TBC1D15: variants seen among roughly 807,000 people sequenced by gnomAD.
TBC1D15 encodes the protein GAP for RAB7.
In TBC1D15, 39 loss-of-function variants were observed where a neutral mutation model predicts 95.4. That is an observed-to-expected ratio of 0.41 (90% CI 0.32 to 0.53). TBC1D15 has a LOEUF of 0.53. Ranked by LOEUF, TBC1D15 falls within the 20% of genes least tolerant of loss-of-function variation. TBC1D15 has a pLI of 0.29. For synonymous variants in TBC1D15, 258 were observed against 261.3 expected (o/e 0.99, Z 0.12); for missense variants, 733 against 794.3 (o/e 0.92, Z 0.93).
At chr12:71,856,109 G>A (rs985300222) in intron 1 of TBC1D15, among the ~76,000 whole-genome samples, 4 of 152,102 alleles carry the variant, frequency 2.6e-5, no homozygotes, top group Non-Finnish European at 5.9e-5. Context: ...AGCAGTTTTC[G>A]TATTCATTGT....
chr12:71,841,181 T>C (rs1465624077), intron 1 of TBC1D15: 1 of 152,200 alleles, frequency 6.6e-6, no homozygotes, highest in Non-Finnish European at 1.5e-5. Flanking sequence ...TGATCCAGGC[T>C]GGGACTTTTC....
At chr12:71,874,810 A>G (rs1252843401) in intron 3 of TBC1D15, among the ~76,000 whole-genome samples, 2 of 151,694 alleles carry the variant, frequency 1.3e-5, no homozygotes, top group African/African-American at 4.8e-5. Flanking sequence ...TTTAGTAGAG[A>G]TGGAGTTTCA....
At chr12:71,901,442 G>T (rs1437537097) in intron 10 of TBC1D15, among the ~76,000 whole-genome samples, 2 of 152,114 alleles carry the variant, frequency 1.3e-5, no homozygotes, top group Non-Finnish European at 2.9e-5. Context: ...TGCCTATATT[G>T]AATGTCTGTA....
At chr12:71,878,596 A>G (rs954189194) in intron 3 of TBC1D15, among the ~76,000 whole-genome samples, 2 of 151,632 alleles carry the variant, frequency 1.3e-5, no homozygotes, top group Admixed American at 6.6e-5. Context: ...GCTCACTGCA[A>G]TCTCCGCCTC....
chr12:71,889,184 C>G (rs561969758), intron 5 of TBC1D15, among the ~76,000 whole-genome samples: 1 of 152,100 alleles, frequency 6.6e-6, no homozygotes, highest in Admixed American at 6.6e-5. Context: ...ACACTTTGTT[C>G]TCTTCTCATT....
chr12:71,845,345 A>C (rs1886029202), intron 1 of TBC1D15, among the ~76,000 whole-genome samples: 1 of 152,178 alleles, frequency 6.6e-6, no homozygotes, highest in African/African-American at 2.4e-5. Context: ...AAGAAGAGAG[A>C]TCAGAATGTT....
rs58111883 is a variant in TBC1D15 at position 71,892,993 on chromosome 12, C to T, written c.555-229C>T. ...ATACACTTTATATTTGTTTTATTTA[C>T]GTTATATACAGTGTATTTAGTATTT... is the stretch of plus-strand genomic sequence containing the variant. On this transcript the variant is annotated intron_variant, in intron 5 of 16. Coordinates refer to ENST00000485960, the MANE Select transcript of TBC1D15 (RefSeq NM_001146213.3). 0.028 allele frequency among the ~76,000 whole-genome samples: 4,184 copies of T among 151,584 alleles called. 195 individuals carry two copies. The highest frequency in any genetic ancestry group is 0.094 in the African/African-American group (3,899 of 41,434).
At chr12:71,866,297 G>A (rs1327608542) in intron 1 of TBC1D15, among the ~76,000 whole-genome samples, 9 of 152,190 alleles carry the variant, frequency 5.9e-5, no homozygotes, top group African/African-American at 1.9e-4. Flanking sequence ...AAGGACAGAT[G>A]CGGTATCTTC....
intron 4 of TBC1D15, among the ~76,000 whole-genome samples, chr12:71,882,606 C>T (rs775788758): frequency 3.3e-5 from 5 of 152,100 alleles, no homozygotes; most frequent in Admixed American, 6.5e-5. Flanking sequence ...TCTTGATTTC[C>T]GTTTTCCTTT....
Position 71,872,890 on chromosome 12 carries a change from T to A in TBC1D15, c.130-39T>A, listed in dbSNP as rs201854407. The A allele has an allele frequency of 1.4e-4, 202 of 1,416,098 alleles. No homozygotes were observed. The African/African-American group carries it at 2.8e-3, about 19-fold the overall frequency. The allele number at this position is 1,416,098 out of a possible 1,614,324, so 87.7% of individuals were successfully genotyped here. On this transcript the variant is annotated intron_variant, in intron 2 of 16. Transcript: ENST00000485960. Reference sequence around the variant, plus strand: ...AATAAAATAATTAAGAATAACATATTGCTGAATATTAAATATAGTTCATAA... The same window carrying A: ...AATAAAATAATTAAGAATAACATATAGCTGAATATTAAATATAGTTCATAA...
intron 1 of TBC1D15, among the ~76,000 whole-genome samples, chr12:71,845,670 A>ATAGTTTTGAAAGAAACTG (rs1409352338): frequency 1.3e-5 from 2 of 152,208 alleles, no homozygotes; most frequent in Non-Finnish European, 2.9e-5. Flanking sequence ...TGTATGCCAA[A>ATAGTTTTGAAAGAAACTG]TAGTTTTGAA....
intron 1 of TBC1D15, among the ~76,000 whole-genome samples, chr12:71,853,140 G>A (rs767331900): frequency 6.8e-4 from 103 of 152,278 alleles, no homozygotes; most frequent in Non-Finnish European, 9.1e-4. Context: ...TTCTAGGGAG[G>A]ACTCAGGAAA....
intron 12 of TBC1D15, among the ~76,000 whole-genome samples, chr12:71,914,285 C>T (rs918221954): frequency 6.6e-6 from 1 of 151,906 alleles, no homozygotes; most frequent in Non-Finnish European, 1.5e-5. Flanking sequence ...AAAGCTTAGT[C>T]ATGCCAAGTA....
At position 71,861,537 on chromosome 12, in the gene TBC1D15, T is replaced by C. The variant is rs1189080999; in HGVS notation, c.31-10533T>C. On this transcript the variant is annotated intron_variant, in intron 1 of 16. Transcript: ENST00000485960. ...AATGATCCTTTGTATTTCTGTGGTA[T>C]GTTTTAATGTATAGTTTTTAAATTT... 5 of 1,458,556 alleles carry C rather than the reference T, an allele frequency of 3.4e-6. No individual in the cohort carries two copies. The South Asian group carries it at 4.2e-5, about 12-fold the overall frequency. 90.4% of individuals were successfully genotyped at this position (1,458,556 alleles called of 1,614,324 possible).
rs761084840 is a variant in TBC1D15 at position 71,873,077 on chromosome 12, A to G, written c.204+74A>G. ...ACAGTATTATCCATATATAATTCAC[A>G]TACCATAAAATGCATCCTTTTAAAG... is the stretch of plus-strand genomic sequence containing the variant. On this transcript the variant is annotated intron_variant, in intron 3 of 16. Transcript: ENST00000485960. 1.5e-4 allele frequency: 148 copies of G among 989,198 alleles called. 1 individual carries two copies. Among genetic ancestry groups the G allele is most frequent in the Non-Finnish European group, 2.1e-4 (135 of 655,882 alleles). 61.3% of individuals were successfully genotyped at this position (989,198 alleles called of 1,614,324 possible).
At chr12:71,893,957 G>A (rs887206088) in intron 6 of TBC1D15, among the ~76,000 whole-genome samples, 14 of 150,208 alleles carry the variant, frequency 9.3e-5, no homozygotes, top group African/African-American at 3.2e-4. Flanking sequence ...ATAAGATATA[G>A]AGGGAACTTT....
chr12:71,896,462 TCTACTGTATTCTGTG>T (rs1898196127), intron 8 of TBC1D15, 200 bp from the exon 9 acceptor site: 2 of 436,964 alleles, frequency 4.6e-6, no homozygotes, highest in African/African-American at 6.3e-5. Context: ...TATTCTGTAG[TCTACTGTATTCTGTG>T]CACTGTTTAA....
chr12:71,921,698 CAA>C (rs1254245694), intron 16 of TBC1D15, among the ~76,000 whole-genome samples: 1 of 152,068 alleles, frequency 6.6e-6, no homozygotes. Flanking sequence ...ATTTCTATAA[CAA>C]AGAGGCTGTA....
rs374802733 is a variant in TBC1D15 at position 71,908,831 on chromosome 12, A to G, written c.1300+1693A>G. Among the ~76,000 whole-genome samples the G allele has an allele frequency of 2.0e-5, 3 of 152,288 alleles. No homozygotes were observed. In the South Asian group the frequency reaches 6.2e-4, roughly 32 times the overall value. On this transcript the variant is annotated intron_variant, in intron 11 of 16. Transcript: ENST00000485960. ...TATGAGTAAGGTTATTTTGATTCAG[A>G]GTGTGACTTATGGTCACACAAGTAA...
Sources: allele counts gnomAD v4.1 joint callset (sites outside exome capture counted in the v4.1 genomes callset), GRCh38; gene constraint gnomAD v4.1.1; transcripts MANE v1.5; gene names NCBI Gene and HGNC (gene_info 2026-07-23, HGNC 2026-07-21).